The following ZNF578 variants were observed in gnomAD, a reference collection of about 807,000 sequenced individuals.
ZNF578 encodes Putative chemokine-related protein B42.
In ZNF578, 8 loss-of-function variants were observed where a neutral mutation model predicts 8.3. The observed-to-expected ratio is 0.96, with a 90% CI of 0.56 to 1.74. ZNF578 has a LOEUF of 1.74. Ranked by LOEUF, ZNF578 falls within the 40% of genes most tolerant of loss-of-function variation. ZNF578 has a pLI of 0.00. For synonymous variants in ZNF578, 206 were observed against 232.2 expected (o/e 0.89, Z 1.03); for missense variants, 726 against 707.5 (o/e 1.03, Z -0.30).
intron 2 of ZNF578, among the ~76,000 whole-genome samples, chr19:52,472,305 T>C (rs1448121504): frequency 6.6e-6 from 1 of 152,210 alleles, no homozygotes; most frequent in Non-Finnish European, 1.5e-5. Context: ...GATTCATTCA[T>C]ACTTAAGAAA....
intron 2 of ZNF578, among the ~76,000 whole-genome samples, chr19:52,483,032 T>G (rs543700094): frequency 6.2e-4 from 93 of 151,192 alleles, no homozygotes; most frequent in Non-Finnish European, 9.0e-4. Flanking sequence ...ATCATGCCAC[T>G]ACATTCCAGC....
chr19:52,489,557 C>T (rs989480850), intron 2 of ZNF578, among the ~76,000 whole-genome samples: 15 of 151,970 alleles, frequency 9.9e-5, no homozygotes, highest in South Asian at 2.1e-4. Flanking sequence ...CATTGCACTC[C>T]AGCCTGGGCA....
chr19:52,468,086 CAT>C (rs1326794502), intron 2 of ZNF578, among the ~76,000 whole-genome samples: 5 of 151,948 alleles, frequency 3.3e-5, no homozygotes, highest in African/African-American at 1.2e-4. Context: ...ATGCATGAAA[CAT>C]AGAATGTAGA....
chr19:52,512,988 T>C lies in ZNF578; in HGVS notation c.*834T>C, dbSNP rs1302722097. Among the ~76,000 whole-genome samples the C allele has an allele frequency of 6.6e-6, 1 of 151,956 alleles. No homozygotes were observed. On this transcript the variant is annotated 3_prime_UTR_variant, in exon 6 of 6. Coordinates refer to ENST00000421239, the MANE Select transcript of ZNF578 (RefSeq NM_001099694.2). ...TGAGGTCAAGAGTTTGAAACAAGCA[T>C]GGCCAAGAGATGTGAGCCAGTTTTC...
chr19:52,491,322 A>G lies in ZNF578; in HGVS notation c.-121-2A>G. ...AAACGTATTGGTGTTTATATTTTGT[A>G]GATATCTCTTCCAAATGCATGATGA... On this transcript the variant is annotated splice_acceptor_variant, in intron 2 of 5. Coordinates refer to ENST00000421239, the MANE Select transcript of ZNF578 (RefSeq NM_001099694.2). LOFTEE classifies it low-confidence loss of function (5UTR_SPLICE). The G allele has an allele frequency of 3.8e-6, 1 of 264,626 alleles. No individual in the cohort carries two copies. The highest frequency in any genetic ancestry group is 7.8e-6 in the Non-Finnish European group (1 of 128,302). 16.4% of individuals were successfully genotyped at this position (264,626 alleles called of 1,614,324 possible).
chr19:52,499,122 G>A (rs112134312), intron 3 of ZNF578, among the ~76,000 whole-genome samples: 5,100 of 152,234 alleles, frequency 0.034, 297 homozygotes, highest in African/African-American at 0.11. Context: ...CCCGCTGTGA[G>A]CCTTAGTGAG....
chr19:52,507,073 T>C (rs1376472217), intron 5 of ZNF578, among the ~76,000 whole-genome samples: 1 of 152,020 alleles, frequency 6.6e-6, no homozygotes, highest in Non-Finnish European at 1.5e-5. Flanking sequence ...GCAAACATAA[T>C]GAAACCTTGA....
At position 52,510,761 on chromosome 19, in the gene ZNF578, C is replaced by T. The variant is rs1309529074; in HGVS notation, c.380C>T (p.Ala127Val). Residue 127 changes from alanine (A) to valine (V), a missense_variant, in exon 6 of 6, where the codon GCA becomes GTA. By Grantham distance (64) the Ala-to-Val change is moderately conservative (BLOSUM62 0). Transcript: ENST00000421239. ...AAAGATGAAAGAAATGGCCATGAAG[C>T]ATCCATGCCAAAAATCAAAGAGTTG... The part of the protein sequence containing the change: ...SQKDERNGHE[A>V]SMPKIKELMG... The T allele has an allele frequency of 6.2e-7, 1 of 1,612,736 alleles. No individual in the cohort carries two copies. The highest frequency in any genetic ancestry group is 1.3e-5 in the African/African-American group (1 of 74,826).
At position 52,513,337 on chromosome 19, in the gene ZNF578, CTTTTTTTTT is replaced by C. The variant is rs11318311; in HGVS notation, c.*1199_*1207del. On this transcript the variant is annotated 3_prime_UTR_variant, in exon 6 of 6. Transcript: ENST00000421239. ...GCGCCTGGCATTGTTTCTTCTTTTC[CTTTTTTTTT>C]TTTTTTTTTTTTTTTGAGATAGTAC... Among the ~76,000 whole-genome samples the C allele has an allele frequency of 0.023, 2,334 of 101,388 alleles. 92 individuals are homozygous for C. The highest frequency in any genetic ancestry group is 0.072 in the African/African-American group (2,151 of 29,778). The allele number at this position is 101,388 out of a possible 152,430, so 66.5% of individuals were successfully genotyped here.
In ZNF578 at chr19:52,515,756, G is replaced by C. The variant is rs2059472173; in HGVS notation, c.*3602G>C. ...CTTTTTTTTTTTTGAGGAGTGCCCA[G>C]TTGTGATTAGAATTTTCAATGGGAT... On this transcript the variant is annotated 3_prime_UTR_variant, in exon 6 of 6. Coordinates refer to ENST00000421239, the MANE Select transcript of ZNF578 (RefSeq NM_001099694.2). 6.6e-6 allele frequency among the ~76,000 whole-genome samples: 1 copy of C among 151,594 alleles called. No homozygotes were observed. The highest frequency in any genetic ancestry group is 2.1e-4 in the South Asian group (1 of 4,798).
At chr19:52,468,982 G>C (rs2059283658) in intron 2 of ZNF578, among the ~76,000 whole-genome samples, 1 of 152,070 alleles carries the variant, frequency 6.6e-6, no homozygotes, top group Non-Finnish European at 1.5e-5. Flanking sequence ...GACTTGGACT[G>C]AGCCACTACC....
intron 2 of ZNF578, among the ~76,000 whole-genome samples, chr19:52,477,500 A>T (rs1250728700): frequency 6.6e-6 from 1 of 152,006 alleles, no homozygotes; most frequent in Non-Finnish European, 1.5e-5. Flanking sequence ...AGTAGTGGGG[A>T]ACCGCATTGT....
chr19:52,507,126 G>T (rs889611836), intron 5 of ZNF578, among the ~76,000 whole-genome samples: 1 of 152,140 alleles, frequency 6.6e-6, no homozygotes, highest in African/African-American at 2.4e-5. Context: ...GATGGCTCAC[G>T]CCTATAATCC....
At chr19:52,482,636 G>GA (rs1052287253) in intron 2 of ZNF578, among the ~76,000 whole-genome samples, 15 of 150,372 alleles carry the variant, frequency 1.0e-4, no homozygotes, top group South Asian at 8.4e-4. Flanking sequence ...AGACTGCATT[G>GA]AAAAAAAAAT....
chr19:52,454,679 T>C (rs2059233847), intron 1 of ZNF578: 2 of 152,228 alleles, frequency 1.3e-5, no homozygotes, highest in African/African-American at 4.8e-5. Flanking sequence ...CCGTGGTGTT[T>C]ATCTGGTCAG....
chr19:52,492,032 C>G (rs536505295), intron 3 of ZNF578, among the ~76,000 whole-genome samples: 1 of 151,520 alleles, frequency 6.6e-6, no homozygotes, highest in African/African-American at 2.4e-5. Flanking sequence ...TCGTGGTGGT[C>G]GCCTCAAATC....
rs998424752 is a variant in ZNF578, at chr19:52,476,916, T to C, written c.-121-14408T>C. ...GTCTATTAGAGTTTATGGGTTGGGA[T>C]AGATTTCCCATGTAGTTGTGCTCCC... On this transcript the variant is annotated intron_variant, in intron 2 of 5. Transcript: ENST00000421239. Among the ~76,000 whole-genome samples the C allele has an allele frequency of 6.6e-5, 10 of 152,362 alleles. No homozygotes were observed. The East Asian group carries it at 1.7e-3, about 26-fold the overall frequency.
intron 3 of ZNF578, among the ~76,000 whole-genome samples, chr19:52,498,699 T>TTTTTTTTTTTTTTTTC (rs1402373404): frequency 6.7e-6 from 1 of 148,848 alleles, no homozygotes; most frequent in Non-Finnish European, 1.5e-5. Context: ...TTTTTTTTTT[T>TTTTTTTTTTTTTTTTC]TTGTAAGACA....
intron 2 of ZNF578, among the ~76,000 whole-genome samples, chr19:52,459,745 G>GTGTATA (rs2059251034): frequency 4.7e-5 from 1 of 21,446 alleles, no homozygotes; most frequent in African/African-American, 1.2e-4. Flanking sequence ...GTGTGTGTGT[G>GTGTATA]TGTGTGTATA....
Sources: gnomAD v4.1 joint callset for allele counts (sites outside exome capture counted in the v4.1 genomes callset) on GRCh38, gnomAD v4.1.1 for gene constraint, MANE v1.5 for transcripts, NCBI Gene and HGNC (gene_info 2026-07-23, HGNC 2026-07-21) for gene names.